Variants in TTLL5 observed in about 807,000 individuals in gnomAD.
TTLL5 encodes the protein tubulin tyrosine ligase like 5, also known as tubulin polyglutamylase TTLL5.
Under a neutral mutation model 168.4 loss-of-function variants are expected in TTLL5, and 132 were observed. The ratio of observed to expected loss-of-function variants is 0.78; its 90% CI spans 0.68 to 0.91. The LOEUF is 0.91. TTLL5 is among the 40% of genes least tolerant of loss of function. The pLI is 0.00. For synonymous variants in TTLL5, 546 were observed against 558.6 expected (o/e 0.98, Z 0.32); for missense variants, 1,545 against 1,581.5 (o/e 0.98, Z 0.39).
chr14:75,693,575 C>A (rs1179833456), intron 6 of TTLL5, among the ~76,000 whole-genome samples: 2 of 152,198 alleles, frequency 1.3e-5, no homozygotes, highest in African/African-American at 4.8e-5. Context: ...CCATCACTGC[C>A]AGTTACAGTA....
rs146073291 is a variant in TTLL5, at chr14:75,798,021, G to A, written c.3171+4921G>A. ...TTTTGGAATAGTTTCAATAAGATTCGTCTAATTCTTCTTGAATGCCTGATG... is the reference window on the plus strand; with the variant it reads ...TTTTGGAATAGTTTCAATAAGATTCATCTAATTCTTCTTGAATGCCTGATG... On this transcript the variant is annotated intron_variant, in intron 27 of 31. Coordinates refer to ENST00000298832, the MANE Select transcript of TTLL5 (RefSeq NM_015072.5). Among the ~76,000 whole-genome samples the A allele has an allele frequency of 4.5e-4, 68 of 151,918 alleles. 2 individuals carry two copies. Among genetic ancestry groups the A allele is most frequent in the East Asian group, 4.4e-3 (23 of 5,170 alleles).
intron 30 of TTLL5, among the ~76,000 whole-genome samples, chr14:75,899,235 A>ATGG (rs1335241278): frequency 3.3e-5 from 5 of 152,226 alleles, no homozygotes; most frequent in Non-Finnish European, 7.3e-5. Flanking sequence ...ACTGACTTAA[A>ATGG]GACAACCAAG....
At chr14:75,822,525 G>A (rs2140419352) in intron 28 of TTLL5, among the ~76,000 whole-genome samples, 1 of 152,322 alleles carries the variant, frequency 6.6e-6, no homozygotes, top group South Asian at 2.1e-4. Flanking sequence ...CTTGTAAACT[G>A]TAATAAAATG....
At chr14:75,909,948 A>G (rs2033303848) in intron 31 of TTLL5, among the ~76,000 whole-genome samples, 1 of 152,232 alleles carries the variant, frequency 6.6e-6, no homozygotes, top group South Asian at 2.1e-4. Flanking sequence ...AAACCCAAGT[A>G]TAGCTGAACA....
chr14:75,945,141 C>T (rs1376808953), intron 31 of TTLL5, among the ~76,000 whole-genome samples: 1 of 151,386 alleles, frequency 6.6e-6, no homozygotes, highest in Non-Finnish European at 1.5e-5. Flanking sequence ...ACCTGCTTGG[C>T]CCTCTTCCAA....
chr14:75,703,097 A>G (rs1037359133), intron 7 of TTLL5, among the ~76,000 whole-genome samples: 2 of 152,196 alleles, frequency 1.3e-5, no homozygotes, highest in Non-Finnish European at 2.9e-5. Context: ...AACTCTTTCC[A>G]AGGCTGCTGC....
chr14:75,827,677 C>CCAAT (rs1339782121), intron 28 of TTLL5, among the ~76,000 whole-genome samples: 2 of 145,514 alleles, frequency 1.4e-5, no homozygotes, highest in Non-Finnish European at 3.0e-5. Context: ...CACTTCAGAG[C>CCAAT]CAATAATCAA....
chr14:75,757,945 C>A, intron 18 of TTLL5: 2 of 1,305,130 alleles, frequency 1.5e-6, no homozygotes, highest in Admixed American at 2.8e-5. Flanking sequence ...AGCATAATAC[C>A]TTATATAACC....
chr14:75,778,995 A>G (rs1021465160), intron 23 of TTLL5, among the ~76,000 whole-genome samples: 1 of 152,266 alleles, frequency 6.6e-6, no homozygotes, highest in South Asian at 2.1e-4. Flanking sequence ...TACTTCAATT[A>G]TCTAGAAGTG....
At chr14:75,906,992 G>A (rs2033173392) in intron 31 of TTLL5, among the ~76,000 whole-genome samples, 1 of 152,170 alleles carries the variant, frequency 6.6e-6, no homozygotes, top group Admixed American at 6.5e-5. Context: ...CCATAATTGA[G>A]TTATCACAAA....
At chr14:75,775,687 A>G (rs1891677653) in intron 22 of TTLL5, 57 bp downstream of exon 22, 4 of 1,589,924 alleles carry the variant, frequency 2.5e-6, no homozygotes, top group Non-Finnish European at 3.4e-6. Context: ...TCAGAAACAG[A>G]CTAGATAGAA....
chr14:75,730,797 T>C (rs945304776), intron 12 of TTLL5, among the ~76,000 whole-genome samples: 1 of 151,956 alleles, frequency 6.6e-6, no homozygotes, highest in Non-Finnish European at 1.5e-5. Flanking sequence ...TCAGCTCATT[T>C]CAACCTCCAC....
intron 30 of TTLL5, among the ~76,000 whole-genome samples, chr14:75,885,802 G>T (rs1263246327): frequency 2.0e-5 from 3 of 152,150 alleles, no homozygotes; most frequent in African/African-American, 4.8e-5. Context: ...AATAGTAATA[G>T]TACCTGCCTC....
intron 26 of TTLL5, among the ~76,000 whole-genome samples, chr14:75,784,895 G>A (rs975876713): frequency 1.3e-5 from 2 of 152,020 alleles, no homozygotes; most frequent in Admixed American, 1.3e-4. Context: ...TTCTTTGGAG[G>A]AATGTCTATT....
At chr14:75,931,107 G>A (rs541813047) in intron 31 of TTLL5, among the ~76,000 whole-genome samples, 28 of 152,096 alleles carry the variant, frequency 1.8e-4, no homozygotes, top group African/African-American at 6.5e-4. Flanking sequence ...GTCACATATG[G>A]CTTCAAAGAT....
intron 31 of TTLL5, among the ~76,000 whole-genome samples, chr14:75,944,813 T>A (rs2034717730): frequency 6.6e-6 from 1 of 152,208 alleles, no homozygotes; most frequent in South Asian, 2.1e-4. Context: ...AGTAGCTTCC[T>A]GATAAGATCT....
At chr14:75,746,374 C>T (rs923431144) in intron 17 of TTLL5, among the ~76,000 whole-genome samples, 1 of 152,050 alleles carries the variant, frequency 6.6e-6, no homozygotes, top group Admixed American at 6.5e-5. Context: ...TGAAGAAAGC[C>T]GCTGTGACCA....
At chr14:75,789,109 A>G (rs948910731) in intron 26 of TTLL5, among the ~76,000 whole-genome samples, 1 of 152,160 alleles carries the variant, frequency 6.6e-6, no homozygotes, top group African/African-American at 2.4e-5. Flanking sequence ...AAAAAAGGGT[A>G]TTTGCCAAAA....
At chr14:75,839,523 C>A (rs1387766236) in intron 28 of TTLL5, among the ~76,000 whole-genome samples, 1 of 152,174 alleles carries the variant, frequency 6.6e-6, no homozygotes, top group Admixed American at 6.5e-5. Context: ...AACTTACAAT[C>A]ATGACAGAAG....
Sources: allele counts gnomAD v4.1 joint callset (sites outside exome capture counted in the v4.1 genomes callset), GRCh38; gene constraint gnomAD v4.1.1; transcripts MANE v1.5; gene names NCBI Gene and HGNC (gene_info 2026-07-23, HGNC 2026-07-21).